Variants in TCN1 observed in about 807,000 individuals in gnomAD.
TCN1 encodes the protein transcobalamin-1.
In TCN1, 47 loss-of-function variants were observed where a neutral mutation model predicts 46.3. The observed-to-expected ratio is 1.01, with a 90% CI of 0.80 to 1.29. TCN1 has a LOEUF of 1.29. TCN1 is among the 50% of genes most tolerant of loss of function. TCN1 has a pLI of 0.00. For missense variants in TCN1, 532 were observed against 511.0 expected (o/e 1.04, Z -0.40); for synonymous variants, 183 against 192.5 (o/e 0.95, Z 0.41).
chr11:59,856,342 T>A (rs1030857554), intron 5 of TCN1, among the ~76,000 whole-genome samples: 1 of 152,110 alleles, frequency 6.6e-6, no homozygotes, highest in Non-Finnish European at 1.5e-5. Context: ...CATTTCTGTA[T>A]CCCAGTGCTG....
chr11:59,853,016 G>A lies in TCN1; in HGVS notation c.1261C>T (p.Arg421Cys), dbSNP rs978503152. The change falls in exon 9 of 9, where the codon CGC becomes TGC. Residue 421 changes from arginine (R) to cysteine (C), a missense_variant. Physicochemically the swap from Arg to Cys is radical, Grantham distance 180 (BLOSUM62 -3). Transcript: ENST00000257264. ...CGAACCTCCAAGTTTTCTCCATTGC[G>A]GACAACGTAACTACCAGCTCCTGAA... Reference protein sequence around the residue: ...LSQGAGSYVVRNGENLEVRWS... With the variant: ...LSQGAGSYVVCNGENLEVRWS... 26 of 1,613,962 alleles carry A rather than the reference G, an allele frequency of 1.6e-5. No individual in the cohort carries two copies. The South Asian group carries it at 1.9e-4, about 12-fold the overall frequency.
At chr11:59,854,948 AT>A in intron 6 of TCN1, 113 bp from the exon 7 acceptor site, 1 of 1,151,460 alleles carries the variant, frequency 8.7e-7, no homozygotes, top group Non-Finnish European at 1.3e-6. Flanking sequence ...GCAGACACGG[AT>A]TTACTATAAG....
intron 6 of TCN1, among the ~76,000 whole-genome samples, 187 bp from the exon 7 acceptor site, chr11:59,855,022 A>G (rs1852915747): frequency 6.6e-6 from 1 of 152,220 alleles, no homozygotes; most frequent in African/African-American, 2.4e-5. Context: ...CTAAGACCCA[A>G]ACTCACCAGC....
intron 1 of TCN1, among the ~76,000 whole-genome samples, chr11:59,864,974 G>T (rs1422594429): frequency 6.6e-6 from 1 of 152,096 alleles, no homozygotes; most frequent in African/African-American, 2.4e-5. Context: ...TATGTAACTT[G>T]TTTTACTCTT....
At chr11:59,856,497 A>G (rs776215757) in intron 5 of TCN1, among the ~76,000 whole-genome samples, 137 of 142,976 alleles carry the variant, frequency 9.6e-4, no homozygotes, top group Non-Finnish European at 1.8e-3. Context: ...TAATGAAGCT[A>G]AAAAAAAAAA....
chr11:59,857,821 C>T (rs1852963391), intron 5 of TCN1, among the ~76,000 whole-genome samples: 1 of 151,728 alleles, frequency 6.6e-6, no homozygotes, highest in African/African-American at 2.4e-5. Flanking sequence ...AGCCCAGGTC[C>T]CATCCCAATC....
At chr11:59,856,230 T>A (rs1852937032) in intron 5 of TCN1, among the ~76,000 whole-genome samples, 172 bp from the exon 6 acceptor site, 1 of 152,202 alleles carries the variant, frequency 6.6e-6, no homozygotes, top group East Asian at 1.9e-4. Context: ...CAGTTATCTT[T>A]CTTGTTATCC....
chr11:59,853,136 A>C (rs539586831), intron 8 of TCN1, 67 bp downstream of exon 8: 2 of 1,602,948 alleles, frequency 1.2e-6, no homozygotes, highest in Non-Finnish European at 1.7e-6. Context: ...CAATCCCCAC[A>C]GAGGCTCACA....
At chr11:59,854,583 A>G in intron 7 of TCN1, 69 bp downstream of exon 7, 1 of 1,519,138 alleles carries the variant, frequency 6.6e-7, no homozygotes, top group South Asian at 1.1e-5. Context: ...ATTTAGGTGC[A>G]AATGCATTCT....
rs559065231 is a variant in TCN1, at chr11:59,864,250, C to T, written c.80-164G>A. Among the ~76,000 whole-genome samples the T allele has an allele frequency of 3.3e-4, 50 of 152,250 alleles. No individual in the cohort carries two copies. In the South Asian group the frequency reaches 0.01, roughly 31 times the overall value. ...AATAATACAAAGGTGGGTCTTGAAC[C>T]CACCCCCATGCCAGACATTACTCCT... On this transcript the variant is annotated intron_variant, in intron 1 of 8. Transcript: ENST00000257264.
intron 5 of TCN1, 104 bp from the exon 6 acceptor site, chr11:59,856,162 A>C: frequency 1.1e-6 from 1 of 879,112 alleles, no homozygotes; most frequent in Non-Finnish European, 1.8e-6. Context: ...ATAACTATAT[A>C]TGTAACTAAT....
intron 5 of TCN1, 76 bp from the exon 6 acceptor site, chr11:59,856,134 A>T: frequency 8.1e-7 from 1 of 1,231,134 alleles, no homozygotes; most frequent in Non-Finnish European, 1.2e-6. Context: ...CACTTCAAAT[A>T]AGGGGGAAGC....
At chr11:59,863,303 AAG>A (rs1853037059) in intron 2 of TCN1, among the ~76,000 whole-genome samples, 1 of 152,088 alleles carries the variant, frequency 6.6e-6, no homozygotes, top group African/African-American at 2.4e-5. Flanking sequence ...GAAAGTGAAA[AAG>A]AGGAAAAATA....
chr11:59,863,503 C>T (rs1041971374), intron 2 of TCN1, among the ~76,000 whole-genome samples: 4 of 152,018 alleles, frequency 2.6e-5, no homozygotes, highest in African/African-American at 7.2e-5. Flanking sequence ...AAAACTGAGG[C>T]TCAGTATTAA....
chr11:59,860,147 T>C (rs774625784), intron 4 of TCN1, among the ~76,000 whole-genome samples: 15 of 152,214 alleles, frequency 9.9e-5, no homozygotes, highest in Non-Finnish European at 2.1e-4. Flanking sequence ...TTTTTGGTTT[T>C]TTTTGAGACG....
chr11:59,863,872 T>G (rs775424956), intron 2 of TCN1, 35 bp downstream of exon 2: 1 of 1,612,046 alleles, frequency 6.2e-7, no homozygotes. Context: ...TAGGTAGATT[T>G]TTTTCTAAAT....
At chr11:59,865,173 G>A (rs1853060939) in intron 1 of TCN1, among the ~76,000 whole-genome samples, 1 of 152,108 alleles carries the variant, frequency 6.6e-6, no homozygotes, top group Non-Finnish European at 1.5e-5. Context: ...AAAAGAATGA[G>A]TCAAGAAGAT....
At chr11:59,855,278 A>G (rs1852918285) in intron 6 of TCN1, among the ~76,000 whole-genome samples, 1 of 152,324 alleles carries the variant, frequency 6.6e-6, no homozygotes, top group East Asian at 1.9e-4. Flanking sequence ...TATGTTAGGT[A>G]CTGTCCTTGT....
At chr11:59,863,125 C>T (rs529821881) in intron 2 of TCN1, among the ~76,000 whole-genome samples, 50 of 152,212 alleles carry the variant, frequency 3.3e-4, no homozygotes, top group Middle Eastern at 3.4e-3. Flanking sequence ...GTGGGACCAC[C>T]GTCATATATA....
Sources: gnomAD v4.1 joint callset for allele counts (sites outside exome capture counted in the v4.1 genomes callset) on GRCh38, gnomAD v4.1.1 for gene constraint, MANE v1.5 for transcripts, NCBI Gene and HGNC (gene_info 2026-07-23, HGNC 2026-07-21) for gene names.